The following MAGI2 variants were observed in gnomAD, a reference collection of about 807,000 sequenced individuals.
MAGI2 encodes the protein membrane-associated guanylate kinase, WW and PDZ domain-containing protein 2.
In MAGI2, 35 loss-of-function variants were observed where a neutral mutation model predicts 133.3. The ratio of observed to expected loss-of-function variants is 0.26; its 90% CI spans 0.20 to 0.35. The LOEUF (loss-of-function observed/expected upper bound fraction) is 0.35. MAGI2 is among the 10% of genes least tolerant of loss of function. MAGI2 has a pLI of 1.00. For synonymous variants in MAGI2, 729 were observed against 710.6 expected (o/e 1.03, Z -0.41); for missense variants, 1,636 against 1,863.4 (o/e 0.88, Z 2.25).
chr7:79,072,160 C>T (rs1326872039), intron 1 of MAGI2, among the ~76,000 whole-genome samples: 1 of 151,996 alleles, frequency 6.6e-6, no homozygotes, highest in African/African-American at 2.4e-5. Context: ...AACCTGGTAC[C>T]TCAGTTGGAA....
intron 2 of MAGI2, among the ~76,000 whole-genome samples, chr7:78,701,299 G>A (rs1158835008): frequency 6.6e-6 from 1 of 151,812 alleles, no homozygotes; most frequent in Non-Finnish European, 1.5e-5. Context: ...GATTCCAGGA[G>A]GTGAATTATT....
chr7:78,353,208 C>T (rs1471498977), intron 7 of MAGI2, among the ~76,000 whole-genome samples: 1 of 152,216 alleles, frequency 6.6e-6, no homozygotes, highest in East Asian at 1.9e-4. Flanking sequence ...TAAAAGACTA[C>T]ACTATTTCAA....
intron 3 of MAGI2, among the ~76,000 whole-genome samples, chr7:78,536,971 T>TC: frequency 6.6e-6 from 1 of 152,202 alleles, no homozygotes; most frequent in Non-Finnish European, 1.5e-5. Flanking sequence ...CTTCCATGCT[T>TC]CCCCCTGAGT....
intron 7 of MAGI2, among the ~76,000 whole-genome samples, chr7:78,355,542 C>T (rs950216541): frequency 6.6e-6 from 1 of 152,232 alleles, no homozygotes; most frequent in African/African-American, 2.4e-5. Flanking sequence ...TTCACTTGCT[C>T]TTCCTAGAGG....
intron 6 of MAGI2, among the ~76,000 whole-genome samples, chr7:78,381,744 T>C (rs1170351098): frequency 6.6e-6 from 1 of 152,174 alleles, no homozygotes; most frequent in African/African-American, 2.4e-5. Flanking sequence ...ATTAACACTA[T>C]ATTGAGACAT....
chr7:79,053,255 G>A (rs928637201), intron 1 of MAGI2, among the ~76,000 whole-genome samples: 3 of 152,094 alleles, frequency 2.0e-5, no homozygotes, highest in Admixed American at 1.3e-4. Context: ...TTACAGGTGT[G>A]AGCCACCCCA....
intron 1 of MAGI2, among the ~76,000 whole-genome samples, chr7:79,307,508 C>T (rs1160309976): frequency 1.3e-5 from 2 of 152,162 alleles, no homozygotes; most frequent in Admixed American, 6.6e-5. Context: ...TGCTTTTCCT[C>T]CATCCCTACC....
At chr7:79,374,442 G>A (rs1389768931) in intron 1 of MAGI2, among the ~76,000 whole-genome samples, 1 of 151,812 alleles carries the variant, frequency 6.6e-6, no homozygotes, top group Non-Finnish European at 1.5e-5. Context: ...GCCTGGAAAA[G>A]AGCCCTCACT....
At chr7:79,093,023 C>T (rs776600883) in intron 1 of MAGI2, among the ~76,000 whole-genome samples, 1 of 152,146 alleles carries the variant, frequency 6.6e-6, no homozygotes, top group South Asian at 2.1e-4. Context: ...ATTATTATGT[C>T]TTTAGATCAG....
chr7:78,458,497 T>C (rs914261053), intron 6 of MAGI2, among the ~76,000 whole-genome samples: 1 of 152,098 alleles, frequency 6.6e-6, no homozygotes, highest in African/African-American at 2.4e-5. Context: ...TATGGGTGTG[T>C]GCATATATAA....
At chr7:78,366,350 A>T (rs1166578765) in intron 7 of MAGI2, among the ~76,000 whole-genome samples, 1 of 152,164 alleles carries the variant, frequency 6.6e-6, no homozygotes, top group East Asian at 1.9e-4. Flanking sequence ...GAAAATGTGG[A>T]GATAGCAACT....
At chr7:78,168,394 TTTAAG>T (rs1278067702) in intron 14 of MAGI2, among the ~76,000 whole-genome samples, 1 of 152,174 alleles carries the variant, frequency 6.6e-6, no homozygotes, top group African/African-American at 2.4e-5. Flanking sequence ...TTTCAACTCT[TTTAAG>T]TTGTTTAGTG....
At chr7:79,051,270 G>T (rs562352221) in intron 1 of MAGI2, among the ~76,000 whole-genome samples, 2 of 152,230 alleles carry the variant, frequency 1.3e-5, no homozygotes, top group Admixed American at 1.3e-4. Context: ...GTAATAGATT[G>T]TCACTAATAC....
Position 78,182,871 on chromosome 7 carries a change from C to G in MAGI2, c.2311+2758G>C, listed in dbSNP as rs1470237411. Among the ~76,000 whole-genome samples the G allele has an allele frequency of 2.6e-5, 4 of 152,168 alleles. No individual in the cohort carries two copies. The East Asian group carries it at 7.7e-4, about 29-fold the overall frequency. ...CATTCAAAGTTCCTGGCCATAGATT[C>G]CATTGTTTCTCACTAATATTCTCCT... On this transcript the variant is annotated intron_variant, in intron 13 of 21. Coordinates refer to ENST00000354212, the MANE Select transcript of MAGI2 (RefSeq NM_012301.4).
At chr7:78,353,742 C>T (rs927142777) in intron 7 of MAGI2, among the ~76,000 whole-genome samples, 6 of 152,130 alleles carry the variant, frequency 3.9e-5, no homozygotes, top group Non-Finnish European at 7.4e-5. Flanking sequence ...TATAGAGGTG[C>T]TCAATAATAT....
rs1357478322 is a variant in MAGI2, at chr7:79,208,767, A to T, written c.302-201561T>A. Among the ~76,000 whole-genome samples, 7 of 152,168 alleles carry T rather than the reference A, an allele frequency of 4.6e-5. No individual in the cohort carries two copies. The East Asian group carries it at 1.3e-3, about 29-fold the overall frequency. ...TAACATTATTTACAATAGACAAGAT[A>T]TGGAATTAACCTAAGTGTTCATCAG... On this transcript the variant is annotated intron_variant, in intron 1 of 21. Transcript: ENST00000354212.
intron 1 of MAGI2, among the ~76,000 whole-genome samples, chr7:79,040,755 C>T (rs1002385529): frequency 7.2e-5 from 11 of 152,106 alleles, no homozygotes; most frequent in Non-Finnish European, 1.3e-4. Flanking sequence ...TCCACTGTCA[C>T]CCTGTGAAGA....
rs1201107266 is a variant in MAGI2, at chr7:78,917,236, A to G, written c.418+89854T>C. 2.6e-5 allele frequency among the ~76,000 whole-genome samples: 4 copies of G among 152,042 alleles called. No individual in the cohort carries two copies. In the East Asian group the frequency reaches 7.7e-4, roughly 29 times the overall value. ...AACATAGGCTAAATGAAACTGAAAAAGGAAGTAGAGTAAGAGGAGTAAATC... is the reference window on the plus strand; with the variant it reads ...AACATAGGCTAAATGAAACTGAAAAGGGAAGTAGAGTAAGAGGAGTAAATC... On this transcript the variant is annotated intron_variant, in intron 2 of 21. Transcript: ENST00000354212.
intron 6 of MAGI2, among the ~76,000 whole-genome samples, chr7:78,423,748 G>A (rs1475700884): frequency 6.6e-6 from 1 of 152,174 alleles, no homozygotes; most frequent in African/African-American, 2.4e-5. Flanking sequence ...TTTTACCAAA[G>A]AGACTGCCGG....
Sources: allele counts gnomAD v4.1 joint callset (sites outside exome capture counted in the v4.1 genomes callset), GRCh38; gene constraint gnomAD v4.1.1; transcripts MANE v1.5; gene names NCBI Gene and HGNC (gene_info 2026-07-23, HGNC 2026-07-21).